Variants in ZNRF3 observed in about 807,000 individuals in gnomAD.
ZNRF3 encodes zinc and ring finger 3, also known as E3 ubiquitin-protein ligase ZNRF3.
ZNRF3 carries 23 observed loss-of-function variants against 72.5 expected under a neutral mutation model. The ratio of observed to expected loss-of-function variants is 0.32; its 90% CI spans 0.23 to 0.45. The LOEUF (loss-of-function observed/expected upper bound fraction) is 0.45, where lower values mean the gene tolerates loss of function less well. Ranked by LOEUF, ZNRF3 falls within the 20% of genes least tolerant of loss-of-function variation. The pLI, the probability that ZNRF3 is intolerant of heterozygous loss-of-function variation, is 1.00. For missense variants in ZNRF3, 1,169 were observed against 1,272.1 expected, an observed-to-expected ratio of 0.92 and a Z score of 1.23; for synonymous variants, 610 against 545.3, an observed-to-expected ratio of 1.12 and a Z score of -1.65.
At chr22:29,033,171 GA>G (rs1472582825) in intron 2 of ZNRF3, among the ~76,000 whole-genome samples, 1 of 152,088 alleles carries the variant, frequency 6.6e-6, no homozygotes, top group Non-Finnish European at 1.5e-5. Context: ...CCAACATGGC[GA>G]AACCCTGTCT....
Position 29,050,153 on chromosome 22 carries a change from G to A in ZNRF3, c.1972G>A (p.Val658Met), listed in dbSNP as rs766790413. ...PGPASPSGDQ[V>M]STCSLEMNYS... ...CCCTGCCTCTCCCTCGGGGGATCAG[G>A]TGTCCACCTGCAGCCTGGAGATGAA... The change falls in exon 8 of 9, where the codon GTG (valine) becomes ATG (methionine). Residue 658 changes from valine (V) to methionine (M), a missense_variant. Around this residue, in one of 2 missense-constraint regions of ZNRF3, gnomAD observed 783 missense variants for 731.4 expected, o/e 1.07. Transcript: ENST00000544604. 4 of 1,604,224 alleles carry A rather than the reference G, an allele frequency of 2.5e-6. No homozygotes were observed. Among genetic ancestry groups the A allele is most frequent in the African/African-American group, 2.7e-5 (2 of 74,924 alleles).
chr22:28,887,408 CAG>C (rs139449685), intron 1 of ZNRF3, among the ~76,000 whole-genome samples: 35 of 149,536 alleles, frequency 2.3e-4, no homozygotes, highest in Non-Finnish European at 2.8e-4. Flanking sequence ...TTGTCAGTGT[CAG>C]AGAGAGAGAG....
chr22:28,959,522 C>T (rs1271415680), intron 1 of ZNRF3, among the ~76,000 whole-genome samples: 1 of 152,190 alleles, frequency 6.6e-6, no homozygotes, highest in Admixed American at 6.5e-5. Flanking sequence ...AGAACATACA[C>T]AAGTGCCATT....
intron 1 of ZNRF3, among the ~76,000 whole-genome samples, chr22:28,983,173 G>C (rs1396880864): frequency 5.9e-5 from 9 of 152,096 alleles, no homozygotes; most frequent in African/African-American, 2.2e-4. Context: ...CCCTTGACGG[G>C]GCTGATGTGT....
intron 1 of ZNRF3, among the ~76,000 whole-genome samples, chr22:28,948,292 G>C (rs567914358): frequency 6.6e-6 from 1 of 152,154 alleles, no homozygotes; most frequent in Non-Finnish European, 1.5e-5. Flanking sequence ...AGCCTCCCAA[G>C]TAGCTGGGAC....
chr22:29,030,469 T>C lies in ZNRF3; in HGVS notation c.427-12026T>C, dbSNP rs1161217884. ...TAACCGCTGAATTCTCGCTGCTACA[T>C]GTCTCCTAAATAGATCAGCATAATC... is the stretch of plus-strand genomic sequence containing the variant. On this transcript the variant is annotated intron_variant, in intron 2 of 8. Transcript: ENST00000544604. The surrounding 1 kb of genome is among the most constrained non-coding windows in gnomAD (Gnocchi z 4.2). 6.6e-6 allele frequency among the ~76,000 whole-genome samples: 1 copy of C among 152,242 alleles called. No individual in the cohort carries two copies. Among genetic ancestry groups the C allele is most frequent in the African/African-American group, 2.4e-5 (1 of 41,468 alleles).
chr22:28,914,496 T>TG (rs66995457), intron 1 of ZNRF3, among the ~76,000 whole-genome samples: 4 of 10,436 alleles, frequency 3.8e-4, no homozygotes, highest in Non-Finnish European at 3.1e-3. Context: ...GACATAGAGC[T>TG]TTTTTTTTTT....
intron 2 of ZNRF3, among the ~76,000 whole-genome samples, chr22:28,994,305 G>A (rs1227580629): frequency 6.7e-6 from 1 of 148,204 alleles, no homozygotes; most frequent in African/African-American, 2.5e-5. Flanking sequence ...TCCTGCCTCA[G>A]CCTCCTGAGT....
At chr22:28,908,780 TG>T (rs1330740831) in intron 1 of ZNRF3, among the ~76,000 whole-genome samples, 3 of 152,222 alleles carry the variant, frequency 2.0e-5, no homozygotes. Flanking sequence ...TTTCAGTTTG[TG>T]TTTTTTAAAG....
chr22:29,042,268 CCTTCT>C (rs1356064720), intron 2 of ZNRF3, among the ~76,000 whole-genome samples: 1 of 152,174 alleles, frequency 6.6e-6, no homozygotes, highest in Non-Finnish European at 1.5e-5. Context: ...TTGGGAATGT[CCTTCT>C]CCTAGCTATT....
rs767887494 is a variant in ZNRF3, at chr22:29,050,029, G to C, written c.1848G>C (p.Ser616=). The change falls in exon 8 of 9, where the codon TCG becomes TCC. Residue 616 remains serine (S), a synonymous_variant. Transcript: ENST00000544604. ...GTGAGGCGGGGGGCTCGGGCAGCTC[G>C]GGCCGGGGACCTGCCCTGTGCTTCG... ...RASEAGGSGS[S]GRGPALCFEG... The C allele has an allele frequency of 6.2e-6, 10 of 1,609,964 alleles. No individual in the cohort carries two copies. The Middle Eastern group carries it at 8.3e-4, about 133-fold the overall frequency.
chr22:28,977,007 CAA>C (rs147431606), intron 1 of ZNRF3, among the ~76,000 whole-genome samples: 1,709 of 152,268 alleles, frequency 0.011, 40 homozygotes, highest in African/African-American at 0.039. Context: ...GGGAGATACT[CAA>C]GAGAAAAGGT....
At chr22:29,020,329 C>T (rs539576854) in intron 2 of ZNRF3, among the ~76,000 whole-genome samples, 124 of 137,698 alleles carry the variant, frequency 9.0e-4, no homozygotes, top group African/African-American at 3.2e-3. Context: ...GGCATAATCT[C>T]GGCTCACTGC....
At chr22:28,926,668 G>A (rs983106286) in intron 1 of ZNRF3, among the ~76,000 whole-genome samples, 1 of 151,416 alleles carries the variant, frequency 6.6e-6, no homozygotes, top group Non-Finnish European at 1.5e-5. Context: ...CTGGGCATGG[G>A]CATGCCTGTA....
intron 2 of ZNRF3, among the ~76,000 whole-genome samples, chr22:28,991,620 G>A (rs2035955974): frequency 6.6e-6 from 1 of 152,088 alleles, no homozygotes; most frequent in Non-Finnish European, 1.5e-5. Context: ...TTGGGTGCTC[G>A]CCGAGTGCTG....
At chr22:28,913,437 G>T (rs2123762539) in intron 1 of ZNRF3, among the ~76,000 whole-genome samples, 1 of 152,248 alleles carries the variant, frequency 6.6e-6, no homozygotes, top group African/African-American at 2.4e-5. Context: ...CCAGTATTAG[G>T]TTAGTTTAGG....
At chr22:28,934,990 G>C (rs1397033007) in intron 1 of ZNRF3, among the ~76,000 whole-genome samples, 2 of 151,834 alleles carry the variant, frequency 1.3e-5, no homozygotes, top group Admixed American at 6.6e-5. Context: ...CCTGTTACTT[G>C]ACTTGCTGGC....
At chr22:29,031,596 G>C (rs1380726331) in intron 2 of ZNRF3, 7 of 985,550 alleles carry the variant, frequency 7.1e-6, no homozygotes, top group Admixed American at 6.1e-5. Flanking sequence ...ACTACTAAGT[G>C]AAGAACTCGA....
chr22:29,034,738 T>C (rs2036833802), intron 2 of ZNRF3, among the ~76,000 whole-genome samples: 1 of 152,178 alleles, frequency 6.6e-6, no homozygotes, highest in African/African-American at 2.4e-5. Context: ...CATTTGCCCT[T>C]GGAACTAAAT....
Sources: allele counts gnomAD v4.1 joint callset (sites outside exome capture counted in the v4.1 genomes callset), GRCh38; gene constraint gnomAD v4.1.1; regional missense constraint gnomAD v4.1.1; non-coding constraint Gnocchi (gnomAD v3.1); transcripts MANE v1.5; gene names NCBI Gene and HGNC (gene_info 2026-07-23, HGNC 2026-07-21).